The following SORT1 variants were observed in gnomAD, a reference collection of about 807,000 sequenced individuals.
The protein encoded by SORT1 is sortilin.
A neutral mutation model predicts 101.7 loss-of-function variants in SORT1; 39 were observed. That is an observed-to-expected ratio of 0.38 (90% confidence interval 0.30 to 0.50). The LOEUF (loss-of-function observed/expected upper bound fraction) is 0.50. Ranked by LOEUF, SORT1 falls within the 20% of genes least tolerant of loss-of-function variation. The pLI is 0.90. For missense variants in SORT1, 878 were observed against 1,040.4 expected, an observed-to-expected ratio of 0.84 and a Z score of 2.15; for synonymous variants, 396 against 393.7, an observed-to-expected ratio of 1.01 and a Z score of -0.07.
At chr1:109,371,517 A>G (rs1189578947) in intron 1 of SORT1, among the ~76,000 whole-genome samples, 1 of 152,228 alleles carries the variant, frequency 6.6e-6, no homozygotes, top group Non-Finnish European at 1.5e-5. Flanking sequence ...CAGTTATGGC[A>G]CTGGAATTCG....
intron 17 of SORT1, among the ~76,000 whole-genome samples, chr1:109,316,316 C>CA (rs1647216003): frequency 6.6e-6 from 1 of 152,014 alleles, no homozygotes; most frequent in Non-Finnish European, 1.5e-5. Flanking sequence ...CTCCCAGGTT[C>CA]ACATGATTCT....
At chr1:109,391,925 G>T (rs992031653) in intron 1 of SORT1, among the ~76,000 whole-genome samples, 1 of 152,176 alleles carries the variant, frequency 6.6e-6, no homozygotes, top group Non-Finnish European at 1.5e-5. Flanking sequence ...GACAAAAGGA[G>T]AGAAAGGGAA....
chr1:109,387,527 T>G (rs1285324192), intron 1 of SORT1, among the ~76,000 whole-genome samples: 2 of 151,892 alleles, frequency 1.3e-5, no homozygotes. Flanking sequence ...AATTTAAAAT[T>G]TTGTTTTAAA....
chr1:109,385,124 C>T (rs535605785), intron 1 of SORT1, among the ~76,000 whole-genome samples: 5 of 152,180 alleles, frequency 3.3e-5, no homozygotes, highest in African/African-American at 1.2e-4. Context: ...ACCAAACTCT[C>T]TCCCTATTAT....
At chr1:109,345,670 C>G in intron 8 of SORT1, 81 bp downstream of exon 8, 1 of 1,334,308 alleles carries the variant, frequency 7.5e-7, no homozygotes, top group Admixed American at 2.3e-5. Flanking sequence ...GAAACTCTGT[C>G]AATGCCAAGT....
chr1:109,354,131 G>C (rs1300465113), intron 5 of SORT1, among the ~76,000 whole-genome samples: 1 of 152,040 alleles, frequency 6.6e-6, no homozygotes, highest in African/African-American at 2.4e-5. Flanking sequence ...CATACATTTA[G>C]TCACTTAAAA....
At chr1:109,336,424 C>A in intron 10 of SORT1, 78 bp from the exon 11 acceptor site, 1 of 923,102 alleles carries the variant, frequency 1.1e-6, no homozygotes, top group South Asian at 1.3e-5. Context: ...CTGCATGACT[C>A]TCTCCTGAGA....
rs2101605335 is a variant in SORT1 at position 109,355,414 on chromosome 1, T to C, written c.496A>G (p.Ile166Val). Residue 166 changes from isoleucine to valine, a missense_variant, in exon 4 of 20, where the codon ATT (isoleucine) becomes GTT (valine). Ile to Val is a conservative substitution (Grantham distance 29). Around this residue, in one of 2 missense-constraint regions of SORT1, gnomAD observed 684 missense variants for 894.5 expected, o/e 0.76. Transcript: ENST00000256637. ...ATAGCCATGCCAAATTCAGTCCGAA[T>C]AAAGGTGTTATTGATGAGATCTGTA... The part of the protein sequence containing the change: ...DITDLINNTF[I>V]RTEFGMAIGP... 1 of 1,607,086 alleles carries C rather than the reference T, an allele frequency of 6.2e-7. No individual in the cohort carries two copies. The highest frequency in any genetic ancestry group is 8.5e-7 in the Non-Finnish European group (1 of 1,173,602).
At chr1:109,320,033 T>C (rs1225676590) in intron 15 of SORT1, among the ~76,000 whole-genome samples, 5 of 151,946 alleles carry the variant, frequency 3.3e-5, no homozygotes, top group Non-Finnish European at 5.9e-5. Flanking sequence ...TTGGTAAAGC[T>C]GCACTCATCT....
At chr1:109,369,157 C>A (rs945640181) in intron 2 of SORT1, among the ~76,000 whole-genome samples, 2 of 152,064 alleles carry the variant, frequency 1.3e-5, no homozygotes, top group African/African-American at 4.8e-5. Context: ...CTCATCTTCA[C>A]TAAAAATACA....
At chr1:109,366,183 G>C (rs1174025050) in intron 3 of SORT1, among the ~76,000 whole-genome samples, 1 of 152,126 alleles carries the variant, frequency 6.6e-6, no homozygotes, top group Non-Finnish European at 1.5e-5. Flanking sequence ...TTTTAACCAA[G>C]TCATACCTTT....
At position 109,318,016 on chromosome 1, in the gene SORT1, C is replaced by T. The variant is rs376283085; in HGVS notation, c.2025-47G>A. 166 of 1,181,322 alleles carry T rather than the reference C, an allele frequency of 1.4e-4. 3 individuals are homozygous for T. The South Asian group carries it at 1.8e-3, about 13-fold the overall frequency. 73.2% of individuals were successfully genotyped at this position (1,181,322 alleles called of 1,614,324 possible). On this transcript the variant is annotated intron_variant, in intron 15 of 19. Coordinates refer to ENST00000256637, the MANE Select transcript of SORT1 (RefSeq NM_002959.7). Reference sequence around the variant, plus strand: ...GTACCTTTCAAAGCAGCTGGAAGACCGTTAAGTGACTAGCAATGAAGGGTT... The same window carrying T: ...GTACCTTTCAAAGCAGCTGGAAGACTGTTAAGTGACTAGCAATGAAGGGTT...
At chr1:109,347,661 A>AG in intron 6 of SORT1, 129 bp from the exon 7 acceptor site, 1 of 635,862 alleles carries the variant, frequency 1.6e-6, no homozygotes, top group Non-Finnish European at 2.9e-6. Context: ...ACCACTTCTC[A>AG]GGCGCTGAGC....
At chr1:109,326,492 TAC>T (rs1648062832) in intron 13 of SORT1, among the ~76,000 whole-genome samples, 9 of 66,106 alleles carry the variant, frequency 1.4e-4, no homozygotes, top group Admixed American at 4.4e-4. Flanking sequence ...CACATATATA[TAC>T]ACACATATAT....
intron 3 of SORT1, among the ~76,000 whole-genome samples, chr1:109,359,902 A>G (rs529633892): frequency 6.6e-6 from 1 of 152,316 alleles, no homozygotes; most frequent in South Asian, 2.1e-4. Context: ...GGTATGATTC[A>G]TCTTGAAGCA....
intron 1 of SORT1, among the ~76,000 whole-genome samples, chr1:109,389,056 A>G (rs2101657666): frequency 6.6e-6 from 1 of 152,288 alleles, no homozygotes; most frequent in Non-Finnish European, 1.5e-5. Context: ...AACCAAACGC[A>G]TTTATGCCTC....
At chr1:109,390,069 A>C (rs1011153613) in intron 1 of SORT1, among the ~76,000 whole-genome samples, 1 of 152,054 alleles carries the variant, frequency 6.6e-6, no homozygotes, top group African/African-American at 2.4e-5. Flanking sequence ...CCTCACCCTA[A>C]AATAAAGTTT....
intron 3 of SORT1, among the ~76,000 whole-genome samples, chr1:109,366,399 T>A (rs991378012): frequency 2.6e-5 from 4 of 152,188 alleles, no homozygotes; most frequent in Non-Finnish European, 5.9e-5. Context: ...AGATTTTCAT[T>A]TCAGGAATAT....
chr1:109,325,145 C>T (rs1647903798), intron 13 of SORT1, 56 bp from the exon 14 acceptor site: 4 of 1,126,266 alleles, frequency 3.6e-6, no homozygotes, highest in Non-Finnish European at 4.9e-6. Context: ...ACTGGGAATT[C>T]AGAAAACCAC....
Sources: allele counts gnomAD v4.1 joint callset (sites outside exome capture counted in the v4.1 genomes callset), GRCh38; gene constraint gnomAD v4.1.1; regional missense constraint gnomAD v4.1.1; transcripts MANE v1.5; gene names NCBI Gene and HGNC (gene_info 2026-07-23, HGNC 2026-07-21).